Variants in PXDN observed in about 807,000 individuals in gnomAD.
PXDN encodes the protein peroxidasin.
PXDN carries 77 observed loss-of-function variants against 140.3 expected under a neutral mutation model. The observed-to-expected ratio is 0.55, with a 90% CI of 0.46 to 0.66. The LOEUF is 0.66. Among genes scored for constraint, PXDN ranks in the 30% least tolerant of loss-of-function variants. The pLI is 0.00. For missense variants in PXDN, 1,838 were observed against 2,039.5 expected (o/e 0.90, Z 1.90); for synonymous variants, 911 against 857.4 (o/e 1.06, Z -1.09).
Position 1,651,202 on chromosome 2 carries a change from A to C in PXDN, c.2105-1527T>G, listed in dbSNP as rs1683006197. The stretch of plus-strand genomic sequence containing the variant: ...AATCTTGAACATCCATAGAGCCAAG[A>C]AAGCAGAGTGCCAGGAGGAAAAGCA... On this transcript the variant is annotated intron_variant, in intron 16 of 22. Coordinates refer to ENST00000252804, the MANE Select transcript of PXDN (RefSeq NM_012293.3). This position sits in a 1 kb window ranked among gnomAD's most constrained non-coding sequence, Gnocchi z 4.4. 6.6e-6 allele frequency among the ~76,000 whole-genome samples: 1 copy of C among 152,194 alleles called. No individual in the cohort carries two copies. The highest frequency in any genetic ancestry group is 2.4e-5 in the African/African-American group (1 of 41,460).
chr2:1,675,823 G>GTGCCTC (rs1283910133), intron 8 of PXDN, among the ~76,000 whole-genome samples: 39 of 109,058 alleles, frequency 3.6e-4, no homozygotes, highest in East Asian at 3.6e-4. Flanking sequence ...GACTCAGTTT[G>GTGCCTC]AGCCCGAGTA....
rs1401047016 is a variant in PXDN at position 1,634,230 on chromosome 2, G to T, written c.4414C>A (p.Gln1472Lys). The T allele has an allele frequency of 1.4e-5, 22 of 1,601,260 alleles. No individual in the cohort carries two copies. Among genetic ancestry groups the T allele is most frequent in the African/African-American group, 4.0e-5 (3 of 74,860 alleles). ...IPGACCPVCL[Q>K]KRAEEKP is the part of the protein sequence containing the mutation. Reference sequence around the variant, plus strand: ...TAGGGCTTTTCCTCCGCCCTCTTCTGTAAGCAGACTGGACAGCAGGCCCCT... The same window carrying T: ...TAGGGCTTTTCCTCCGCCCTCTTCTTTAAGCAGACTGGACAGCAGGCCCCT... Residue 1472 changes from glutamine (Q) to lysine (K), a missense_variant, in exon 23 of 23, where the codon CAG becomes AAG. Gln to Lys is a moderately conservative substitution (Grantham distance 53). Coordinates refer to ENST00000252804, the MANE Select transcript of PXDN (RefSeq NM_012293.3).
At chr2:1,663,373 A>G (rs1181124741) in intron 12 of PXDN, among the ~76,000 whole-genome samples, 1 of 152,220 alleles carries the variant, frequency 6.6e-6, no homozygotes, top group Non-Finnish European at 1.5e-5. Context: ...CAAGTTCAAA[A>G]CAACCATCAC....
At chr2:1,730,890 T>TTAAAG (rs1685297474) in intron 1 of PXDN, among the ~76,000 whole-genome samples, 1 of 152,146 alleles carries the variant, frequency 6.6e-6, no homozygotes, top group Non-Finnish European at 1.5e-5. Context: ...TGGGCCATGA[T>TTAAAG]GCATAAACAA....
At chr2:1,678,001 C>T (rs1683769362) in intron 7 of PXDN, among the ~76,000 whole-genome samples, 1 of 152,206 alleles carries the variant, frequency 6.6e-6, no homozygotes, top group African/African-American at 2.4e-5. Context: ...AGGCCCTCGA[C>T]CCAACTTGGG....
intron 1 of PXDN, among the ~76,000 whole-genome samples, chr2:1,702,251 G>A (rs1308434123): frequency 6.6e-6 from 1 of 152,136 alleles, no homozygotes; most frequent in Non-Finnish European, 1.5e-5. Flanking sequence ...TGGCTTCCAG[G>A]CAACGGGAAT....
At chr2:1,655,395 CCA>C (rs1171888867) in intron 14 of PXDN, among the ~76,000 whole-genome samples, 1 of 151,270 alleles carries the variant, frequency 6.6e-6, no homozygotes, top group African/African-American at 2.4e-5. Flanking sequence ...CACACACACA[CCA>C]CACACATCAC....
chr2:1,707,431 G>A (rs1229447651), intron 1 of PXDN, among the ~76,000 whole-genome samples: 57 of 151,974 alleles, frequency 3.8e-4, no homozygotes, highest in Non-Finnish European at 2.2e-4. Flanking sequence ...AGAGCATGCT[G>A]CATTGCTCAT....
At chr2:1,642,098 A>G (rs960739927) in intron 19 of PXDN, among the ~76,000 whole-genome samples, 1 of 152,192 alleles carries the variant, frequency 6.6e-6, no homozygotes, top group Non-Finnish European at 1.5e-5. Flanking sequence ...CCTAGCAAGC[A>G]TAATTTTATT....
intron 17 of PXDN, among the ~76,000 whole-genome samples, chr2:1,647,032 T>A (rs1033154122): frequency 1.3e-5 from 2 of 152,060 alleles, no homozygotes; most frequent in Non-Finnish European, 2.9e-5. Flanking sequence ...GTAGCTGGGA[T>A]TACAGGCGCC....
At chr2:1,721,491 C>G (rs1336012250) in intron 1 of PXDN, among the ~76,000 whole-genome samples, 1 of 152,228 alleles carries the variant, frequency 6.6e-6, no homozygotes, top group Non-Finnish European at 1.5e-5. Context: ...CAGGAAGTAA[C>G]TGACTCCAGG....
At position 1,648,945 on chromosome 2, in the gene PXDN, C is replaced by T. The variant is rs1572124077; in HGVS notation, c.2835G>A (p.Gly945=). The part of the protein sequence containing the change: ...LLRQGIVQRS[G]KPLLPFATGP... ...CGGTGGCGAAGGGGAGCAGCGGCTT[C>T]CCGGACCGCTGCACGATGCCCTGCC... The change falls in exon 17 of 23, where the codon GGG becomes GGA. Residue 945 remains glycine (G), a synonymous_variant. Transcript: ENST00000252804. This position sits in a 1 kb window ranked among gnomAD's most constrained non-coding sequence, Gnocchi z 8.9. 1.2e-6 allele frequency: 2 copies of T among 1,603,908 alleles called. No homozygotes were observed. Among genetic ancestry groups the T allele is most frequent in the Non-Finnish European group, 1.7e-6 (2 of 1,175,648 alleles).
intron 9 of PXDN, among the ~76,000 whole-genome samples, chr2:1,672,472 C>G (rs2125433187): frequency 6.6e-6 from 1 of 152,250 alleles, no homozygotes; most frequent in South Asian, 2.1e-4. Flanking sequence ...AAAATACAGC[C>G]CATGCTCCTT....
Position 1,662,088 on chromosome 2 carries a change from G to A in PXDN, c.1664C>T (p.Ala555Val), listed in dbSNP as rs1683318123. 1 of 1,593,460 alleles carries A rather than the reference G, an allele frequency of 6.3e-7. No homozygotes were observed. Residue 555 changes from alanine to valine, a missense_variant, in exon 13 of 23, where the codon GCC (alanine) becomes GTC (valine). By Grantham distance (64) the Ala-to-Val change is moderately conservative (BLOSUM62 0). Coordinates refer to ENST00000252804, the MANE Select transcript of PXDN (RefSeq NM_012293.3). ...PCSSQGEPEP[A>V]ITWNKDGVQV... ...ACCGCCTACCTTGTTCCAGGTGATG[G>A]CTGGCTCGGGCTCGCCCTGGGAGCT...
intron 1 of PXDN, among the ~76,000 whole-genome samples, chr2:1,719,988 CAGAGAGAGAGGGAGGGGAGGGATGTAG>C (rs1684988327): frequency 4.7e-5 from 2 of 42,308 alleles, no homozygotes. Flanking sequence ...GGGAGGGATG[CAGAGAGAGAGGGAGGGGAGGGATGTAG>C]AGAGAGAGAG....
intron 21 of PXDN, chr2:1,636,741 G>C (rs550892815): frequency 1.3e-5 from 2 of 150,972 alleles, no homozygotes; most frequent in East Asian, 3.9e-4. Flanking sequence ...ACAGGGGCCA[G>C]AGAGCACTTA....
intron 15 of PXDN, 73 bp downstream of exon 15, chr2:1,654,327 T>C: frequency 1.9e-6 from 2 of 1,042,392 alleles, no homozygotes; most frequent in East Asian, 2.4e-5. Flanking sequence ...ACTGCATGCA[T>C]TCTTTAATCA....
At chr2:1,644,949 T>TG (rs1336864436) in intron 17 of PXDN, among the ~76,000 whole-genome samples, 197 bp from the exon 18 acceptor site, 1 of 152,190 alleles carries the variant, frequency 6.6e-6, no homozygotes, top group Non-Finnish European at 1.5e-5. Context: ...CTATTATATA[T>TG]GTGAGACACA....
chr2:1,701,881 C>A (rs369551874), intron 1 of PXDN, among the ~76,000 whole-genome samples: 7 of 152,090 alleles, frequency 4.6e-5, no homozygotes, highest in African/African-American at 1.7e-4. Context: ...TGAGAGGACA[C>A]GAGGAGAAGG....
Sources: gnomAD v4.1 joint callset for allele counts (sites outside exome capture counted in the v4.1 genomes callset) on GRCh38, gnomAD v4.1.1 for gene constraint, Gnocchi (gnomAD v3.1) non-coding constraint, MANE v1.5 for transcripts, NCBI Gene and HGNC (gene_info 2026-07-23, HGNC 2026-07-21) for gene names.